Variants in CHLSN observed in about 807,000 individuals in gnomAD.
CHLSN encodes protein cholesin.
the CHLSN span, among the ~76,000 whole-genome samples, chr7:1,005,819 G>C: frequency 3.3e-5 from 5 of 152,074 alleles, no homozygotes; most frequent in Admixed American, 1.3e-4. Context: ...GGCTGGATCC[G>C]TGTGGCCCGG....
At chr7:1,006,405 A>T in the CHLSN span, among the ~76,000 whole-genome samples, 1 of 150,692 alleles carries the variant, frequency 6.6e-6, no homozygotes, top group Non-Finnish European at 1.5e-5. Context: ...CGACGGCCAT[A>T]CTGCAGGGAA....
the CHLSN span, chr7:1,082,408 A>T: frequency 6.6e-6 from 1 of 152,074 alleles, no homozygotes. Flanking sequence ...CGTGCACAGG[A>T]CTCTACAGCA....
At chr7:1,066,569 A>AG in the CHLSN span, among the ~76,000 whole-genome samples, 1 of 152,188 alleles carries the variant, frequency 6.6e-6, no homozygotes, top group South Asian at 2.1e-4. Flanking sequence ...GGAGGAGAGA[A>AG]GGGGGGACGA....
At chr7:995,273 C>T in the CHLSN span, among the ~76,000 whole-genome samples, 66 of 152,352 alleles carry the variant, frequency 4.3e-4, no homozygotes, top group African/African-American at 1.6e-3. Flanking sequence ...CTGCGCCACC[C>T]TTCGGCATCT....
chr7:1,003,034 G>GT, the CHLSN span, among the ~76,000 whole-genome samples: 3 of 34,330 alleles, frequency 8.7e-5, no homozygotes, highest in African/African-American at 1.4e-4. Context: ...CCTGCGGGTG[G>GT]GGAGTCCTGT....
chr7:993,329 G>C, the CHLSN span, among the ~76,000 whole-genome samples: 1 of 152,192 alleles, frequency 6.6e-6, no homozygotes, highest in African/African-American at 2.4e-5. Context: ...CGAGGGACTG[G>C]ACGGACGGCA....
At chr7:1,001,053 AC>A in the CHLSN span, among the ~76,000 whole-genome samples, 1 of 151,790 alleles carries the variant, frequency 6.6e-6, no homozygotes, top group Admixed American at 6.6e-5. Context: ...GGCCACAACC[AC>A]CCCGCCCCCG....
chr7:1,130,598 A>G, the CHLSN span, among the ~76,000 whole-genome samples: 6 of 142,942 alleles, frequency 4.2e-5, no homozygotes, highest in Admixed American at 4.1e-4. Context: ...TCCTCCCTAC[A>G]CTCCTCCCCA....
At chr7:1,033,651 T>C in the CHLSN span, among the ~76,000 whole-genome samples, 65 of 151,954 alleles carry the variant, frequency 4.3e-4, no homozygotes, top group East Asian at 0.01. Context: ...GCAGGGGGCA[T>C]GTGACGAAGT....
chr7:1,048,371 G>T, the CHLSN span, among the ~76,000 whole-genome samples: 1 of 152,106 alleles, frequency 6.6e-6, no homozygotes, highest in South Asian at 2.1e-4. Context: ...TGGAGCAGAG[G>T]ATTCCTCTGC....
the CHLSN span, among the ~76,000 whole-genome samples, chr7:1,070,365 G>T: frequency 7.8e-6 from 1 of 128,832 alleles, no homozygotes; most frequent in Non-Finnish European, 1.8e-5. Context: ...GGGGGGGTCA[G>T]CCCCCCGCCC....
At chr7:1,043,647 C>CCGTG in the CHLSN span, 1 of 152,426 alleles carries the variant, frequency 6.6e-6, no homozygotes, top group South Asian at 2.1e-4. Flanking sequence ...CAGGCGTGGG[C>CCGTG]CGTGGTGAGC....
At chr7:1,089,809 G>A in the CHLSN span, among the ~76,000 whole-genome samples, 9 of 150,658 alleles carry the variant, frequency 6.0e-5, no homozygotes, top group East Asian at 9.8e-4. Context: ...CTGGCCCGGC[G>A]CGGTGGATCA....
At chr7:1,011,446 C>T in the CHLSN span, among the ~76,000 whole-genome samples, 1 of 146,684 alleles carries the variant, frequency 6.8e-6, no homozygotes, top group East Asian at 2.0e-4. Flanking sequence ...CACACCCAAA[C>T]ACGCCCACAG....
At chr7:1,053,472 T>C in the CHLSN span, among the ~76,000 whole-genome samples, 13 of 152,198 alleles carry the variant, frequency 8.5e-5, no homozygotes, top group Admixed American at 3.3e-4. Flanking sequence ...CTGGCTCACA[T>C]GACTCGCCAG....
At chr7:1,057,615 C>T in the CHLSN span, 1 of 770,374 alleles carries the variant, frequency 1.3e-6, no homozygotes, top group South Asian at 1.4e-5. Flanking sequence ...GCTGCTGGGC[C>T]TGGTGGTGGG....
chr7:982,093 G>A, the CHLSN span, among the ~76,000 whole-genome samples: 2 of 152,184 alleles, frequency 1.3e-5, no homozygotes, highest in African/African-American at 4.8e-5. Flanking sequence ...AGCTTTGCTA[G>A]GCAGGTAGGA....
chr7:1,000,691 G>A, the CHLSN span: 1 of 648,532 alleles, frequency 1.5e-6, no homozygotes, highest in Non-Finnish European at 2.6e-6. Flanking sequence ...ATGTGAAGAG[G>A]GTTTTTGGAG....
the CHLSN span, chr7:1,086,912 G>T: frequency 6.6e-6 from 1 of 152,348 alleles, no homozygotes; most frequent in Non-Finnish European, 1.5e-5. Context: ...GAGATTCGCT[G>T]AAGTTCCCTT....
Sources: allele counts gnomAD v4.1 joint callset (sites outside exome capture counted in the v4.1 genomes callset), GRCh38; gene constraint gnomAD v4.1.1; transcripts MANE v1.5; gene names NCBI Gene and HGNC (gene_info 2026-07-23, HGNC 2026-07-21).